The following CYP1A1 variants were observed in gnomAD, a reference collection of about 807,000 sequenced individuals.
CYP1A1 encodes the protein cytochrome P450 1A1.
CYP1A1 carries 43 observed loss-of-function variants against 33.6 expected under a neutral mutation model. The ratio of observed to expected loss-of-function variants is 1.28; its 90% CI spans 1.00 to 1.65. The LOEUF (loss-of-function observed/expected upper bound fraction) is 1.65. Among genes scored for constraint, CYP1A1 ranks in the 40% most tolerant of loss-of-function variants. The pLI is 0.00. For missense variants in CYP1A1, 637 were observed against 653.7 expected (o/e 0.97, Z 0.28); for synonymous variants, 280 against 257.8 (o/e 1.09, Z -0.83).
Position 74,721,464 on chromosome 15 carries a change from A to T in CYP1A1, c.992T>A (p.Met331Lys), listed in dbSNP as rs1393401095. ...TVTTAISWSLMYLVMNPRVQR... is the reference protein window; with the variant it reads ...TVTTAISWSLKYLVMNPRVQR... ...TACCCTGGGGTTCATCACCAAATACATGAGGCTCCAGGAGATAGCAGTTGT... is the reference window on the plus strand; with the variant it reads ...TACCCTGGGGTTCATCACCAAATACTTGAGGCTCCAGGAGATAGCAGTTGT... Residue 331 changes from methionine to lysine, a missense_variant, in exon 4 of 7, where the codon ATG becomes AAG. Transcript: ENST00000379727. 1 of 1,614,068 alleles carries T rather than the reference A, an allele frequency of 6.2e-7. No homozygotes were observed. Among genetic ancestry groups the T allele is most frequent in the Non-Finnish European group, 8.5e-7 (1 of 1,180,028 alleles).
At chr15:74,720,809 C>T (rs751448122) in intron 6 of CYP1A1, 35 bp from the exon 7 acceptor site, 3 of 1,589,916 alleles carry the variant, frequency 1.9e-6, no homozygotes, top group Non-Finnish European at 2.6e-6. Flanking sequence ...AGTGGCAGTT[C>T]AGGGCTCAGA....
rs2063164941 is a variant in CYP1A1 at position 74,721,020 on chromosome 15, G to A, written c.1200C>T (p.Tyr400=). The change falls in exon 6 of 7, where the codon TAC becomes TAT. Residue 400 remains tyrosine (Y), a synonymous_variant. Coordinates refer to ENST00000379727, the MANE Select transcript of CYP1A1 (RefSeq NM_001319217.2). The part of the protein sequence containing the change: ...TTRDTSLKGF[Y]IPKGRCVFVN... ...CAAAGACACAACGCCCCTTGGGGATGTAAAAGCCTTTCAAACTTGTGTCTC... is the reference window on the plus strand; with the variant it reads ...CAAAGACACAACGCCCCTTGGGGATATAAAAGCCTTTCAAACTTGTGTCTC... 6.2e-7 allele frequency: 1 copy of A among 1,614,190 alleles called. No homozygotes were observed. The highest frequency in any genetic ancestry group is 1.3e-5 in the African/African-American group (1 of 75,046).
At chr15:74,721,392 T>G (rs758076579) in intron 4 of CYP1A1, 22 bp downstream of exon 4, 1 of 1,614,062 alleles carries the variant, frequency 6.2e-7, no homozygotes, top group South Asian at 1.1e-5. Flanking sequence ...CACTGACCCC[T>G]TTGAAGGGAG....
At chr15:74,724,161 A>T (rs926883111) in intron 1 of CYP1A1, among the ~76,000 whole-genome samples, 1 of 152,060 alleles carries the variant, frequency 6.6e-6, no homozygotes, top group Non-Finnish European at 1.5e-5. Flanking sequence ...CCCCTTTTGC[A>T]GGTTACCAGA....
chr15:74,720,133 C>T lies in CYP1A1; in HGVS notation c.*356G>A. 5.1e-6 allele frequency: 1 copy of T among 194,352 alleles called. No homozygotes were observed. Among genetic ancestry groups the T allele is most frequent in the East Asian group, 1.3e-4 (1 of 7,900 alleles). 12.0% of individuals were successfully genotyped at this position (194,352 alleles called of 1,614,324 possible). ...TTGCTGAAGCCAGTCAGCACCCTCA[C>T]AGAGCCAGCTAGGTACTGGGCCCAG... On this transcript the variant is annotated 3_prime_UTR_variant, in exon 7 of 7. Transcript: ENST00000379727.
chr15:74,720,957 C>T lies in CYP1A1; in HGVS notation c.1253+10G>A. The T allele has an allele frequency of 6.2e-7, 1 of 1,613,962 alleles. No individual in the cohort carries two copies. Among genetic ancestry groups the T allele is most frequent in the Non-Finnish European group, 8.5e-7 (1 of 1,179,828 alleles). Reference sequence around the variant, plus strand: ...TGGACCCAGCCTTTCCTCTGCATCTCTGAACTTACTGGTCATGGTTGATCT... The same window carrying T: ...TGGACCCAGCCTTTCCTCTGCATCTTTGAACTTACTGGTCATGGTTGATCT... On this transcript the variant is annotated intron_variant, in intron 6 of 6. Coordinates refer to ENST00000379727, the MANE Select transcript of CYP1A1 (RefSeq NM_001319217.2).
chr15:74,720,635 A>G lies in CYP1A1; in HGVS notation c.1393T>C (p.Trp465Arg), dbSNP rs2063160252. 2.5e-6 allele frequency: 4 copies of G among 1,614,190 alleles called. No homozygotes were observed. The highest frequency in any genetic ancestry group is 1.1e-5 in the South Asian group (1 of 91,088). Reference sequence around the variant, plus strand: ...ATAGCCAGGAAGAGAAAGACCTCCCAGCGGGCAATGGTCTCACCGATACAC... The same window carrying G: ...ATAGCCAGGAAGAGAAAGACCTCCCGGCGGGCAATGGTCTCACCGATACAC... ...RKCIGETIAR[W>R]EVFLFLAILL... is the part of the protein sequence containing the mutation. Residue 465 changes from tryptophan (W) to arginine (R), a missense_variant, in exon 7 of 7, where the codon TGG becomes CGG. By Grantham distance (101) the Trp-to-Arg change is moderately radical (BLOSUM62 -3). Transcript: ENST00000379727.
chr15:74,722,930 T>C lies in CYP1A1; in HGVS notation c.168A>G (p.Gly56=), dbSNP rs969437424. Residue 56 remains glycine (G), a synonymous_variant, in exon 2 of 7, where the codon GGA becomes GGG. Transcript: ENST00000379727. The stretch of plus-strand genomic sequence containing the variant: ...TTGACAGTGCCAGGTGCGGGTTCTT[T>C]CCCAGGGTCAGCATGTGCCCAATCA... ...WPLIGHMLTL[G]KNPHLALSRM... 1.9e-6 allele frequency: 3 copies of C among 1,614,140 alleles called. No homozygotes were observed. Among genetic ancestry groups the C allele is most frequent in the Non-Finnish European group, 2.5e-6 (3 of 1,180,022 alleles).
Position 74,721,317 on chromosome 15 carries a change from CTG to C in CYP1A1, c.1046_1047del (p.Thr349SerfsTer12), listed in dbSNP as rs756248191. 6.2e-7 allele frequency: 1 copy of C among 1,613,790 alleles called. No individual in the cohort carries two copies. The highest frequency in any genetic ancestry group is 1.1e-5 in the South Asian group (1 of 91,044). On this transcript the variant is annotated frameshift_variant, in exon 5 of 7. Transcript: ENST00000379727. LOFTEE classifies it high-confidence loss of function. ...CGGGGCCGCCGTGACCTGCCAATCACTGTGTCTGCAGAACACAGGGACAAGAT... is the reference window on the plus strand; with the variant it reads ...CGGGGCCGCCGTGACCTGCCAATCACTGTCTGCAGAACACAGGGACAAGAT... ...VQRKIQEELDTVIGRSRRPRL... is the reference protein window; with the variant it reads ...VQRKIQEELDXVIGRSRRPRL...
In CYP1A1 at chr15:74,720,714, A is replaced by G; in HGVS notation, c.1314T>C (p.Ala438=). 3 of 1,614,166 alleles carry G rather than the reference A, an allele frequency of 1.9e-6. 1 individual carries two copies. In the South Asian group the frequency reaches 3.3e-5, roughly 18 times the overall value. ...LPERFLTPDG[A]IDKVLSEKVI... ...CCTTCTCACTTAACACCTTGTCGATAGCACCATCAGGGGTGAGAAACCGTT... is the reference window on the plus strand; with the variant it reads ...CCTTCTCACTTAACACCTTGTCGATGGCACCATCAGGGGTGAGAAACCGTT... The change falls in exon 7 of 7, where the codon GCT becomes GCC. Residue 438 remains alanine (A), a synonymous_variant. Coordinates refer to ENST00000379727, the MANE Select transcript of CYP1A1 (RefSeq NM_001319217.2).
At chr15:74,723,523 CTG>C (rs1180470955) in intron 1 of CYP1A1, among the ~76,000 whole-genome samples, 7 of 152,172 alleles carry the variant, frequency 4.6e-5, no homozygotes, top group East Asian at 3.8e-4. Flanking sequence ...AGTACCAGTA[CTG>C]TTATTTACTT....
chr15:74,721,026 G>C lies in CYP1A1; in HGVS notation c.1194C>G (p.Gly398=), dbSNP rs1349977436. ...CACAACGCCCCTTGGGGATGTAAAA[G>C]CCTTTCAAACTTGTGTCTCTTGTTG... is the stretch of plus-strand genomic sequence containing the variant. ...HSTTRDTSLK[G]FYIPKGRCVF... is the part of the protein sequence containing the mutation. The change falls in exon 6 of 7, where the codon GGC becomes GGG. Residue 398 remains glycine, a synonymous_variant. Transcript: ENST00000379727. 1.9e-6 allele frequency: 3 copies of C among 1,614,204 alleles called. No homozygotes were observed. Among genetic ancestry groups the C allele is most frequent in the Non-Finnish European group, 8.5e-7 (1 of 1,180,030 alleles).
rs1264808568 is a variant in CYP1A1, at chr15:74,721,620, A to G, written c.923T>C (p.Ile308Thr). Residue 308 changes from isoleucine to threonine, a missense_variant, in exon 3 of 7, where the codon ATT becomes ACT. Ile to Thr is a moderately conservative substitution (Grantham distance 89). Transcript: ENST00000379727. ...ANVQLSDEKIINIVLDLFGAG... is the reference protein window; with the variant it reads ...ANVQLSDEKITNIVLDLFGAG... ...TCCAAAGAGGTCCAAGACGATGTTA[A>G]TGATCTTCTCATCTGACAGCTGGAC... The G allele has an allele frequency of 6.2e-7, 1 of 1,614,016 alleles. No individual in the cohort carries two copies. Among genetic ancestry groups the G allele is most frequent in the Middle Eastern group, 1.7e-4 (1 of 6,060 alleles).
chr15:74,721,034 A>C lies in CYP1A1; in HGVS notation c.1186T>G (p.Leu396Val), dbSNP rs755427562. The change falls in exon 6 of 7, where the codon TTG becomes GTG. Residue 396 changes from leucine (L) to valine (V), a missense_variant. Leu to Val is a conservative substitution (Grantham distance 32, BLOSUM62 1). Coordinates refer to ENST00000379727, the MANE Select transcript of CYP1A1 (RefSeq NM_001319217.2). ...CCCTTGGGGATGTAAAAGCCTTTCA[A>C]ACTTGTGTCTCTTGTTGTGCTAGGG... ...IPHSTTRDTS[L>V]KGFYIPKGRC... 150 of 1,614,090 alleles carry C rather than the reference A, an allele frequency of 9.3e-5. 1 individual carries two copies. In the South Asian group the frequency reaches 1.6e-3, roughly 17 times the overall value.
At position 74,722,818 on chromosome 15, in the gene CYP1A1, G is replaced by A. The variant is rs758238061; in HGVS notation, c.280C>T (p.Gln94Ter). Residue 94 changes from glutamine to a stop codon, truncating the protein, a stop_gained, in exon 2 of 7, where the codon CAG (glutamine) becomes TAG (stop). Coordinates refer to ENST00000379727, the MANE Select transcript of CYP1A1 (RefSeq NM_001319217.2). LOFTEE classifies it high-confidence loss of function. ...VVLSGLDTIR[Q>*]ALVRQGDDFK... ...TCATCGCCCTGCCGCACCAGGGCCT[G>A]CCGGATGGTGTCCAGGCCGCTCAGC... 3.1e-6 allele frequency: 5 copies of A among 1,613,926 alleles called. No individual in the cohort carries two copies. In the Admixed American group the frequency reaches 6.7e-5, roughly 22 times the overall value.
Position 74,720,565 on chromosome 15 carries a change from A to G in CYP1A1, c.1463T>C (p.Val488Ala). Residue 488 changes from valine (V) to alanine (A), a missense_variant, in exon 7 of 7, where the codon GTG becomes GCG. By Grantham distance (64) the Val-to-Ala change is moderately conservative. Transcript: ENST00000379727. ...TAGCCCATAGATGGGGGTCATGTCC[A>G]CCTTCACGCCCAGTGGCACGCTGAA... Reference protein sequence around the residue: ...VEFSVPLGVKVDMTPIYGLTM... With the variant: ...VEFSVPLGVKADMTPIYGLTM... 1.2e-6 allele frequency: 2 copies of G among 1,612,718 alleles called. No homozygotes were observed. The highest frequency in any genetic ancestry group is 1.7e-6 in the Non-Finnish European group (2 of 1,179,358).
rs754678764 is a variant in CYP1A1, at chr15:74,722,765, G to A, written c.333C>T (p.Thr111=). 9 of 1,613,744 alleles carry A rather than the reference G, an allele frequency of 5.6e-6. No individual in the cohort carries two copies. In the East Asian group the frequency reaches 2.0e-4, roughly 36 times the overall value. Residue 111 remains threonine (T), a synonymous_variant, in exon 2 of 7, where the codon ACC becomes ACT. Coordinates refer to ENST00000379727, the MANE Select transcript of CYP1A1 (RefSeq NM_001319217.2). ...DDFKGRPDLY[T]FTLISNGQSM... ...TCTGACCATTACTGATGAGGGTGAA[G>A]GTGTAGAGGTCGGGCCGGCCCTTGA...
intron 5 of CYP1A1, 51 bp downstream of exon 5, chr15:74,721,148 T>C: frequency 2.5e-6 from 4 of 1,608,092 alleles, no homozygotes; most frequent in Non-Finnish European, 3.4e-6. Flanking sequence ...ATCAGGTATG[T>C]GGTCCGGAGT....
chr15:74,721,698 G>GTGATGTCCCGGA lies in CYP1A1; in HGVS notation c.833_844dup (p.Ile278_Ile281dup). 6.2e-7 allele frequency: 1 copy of GTGATGTCCCGGA among 1,614,084 alleles called. No individual in the cohort carries two copies. ...CTGACAGTGCTCAATCAGGCTGTCT[G>GTGATGTCCCGGA]TGATGTCCCGGATGTGGCCCTTAGG... is the stretch of plus-strand genomic sequence containing the variant. On this transcript the variant is annotated inframe_insertion, in exon 3 of 7. Coordinates refer to ENST00000379727, the MANE Select transcript of CYP1A1 (RefSeq NM_001319217.2).
Sources: gnomAD v4.1 joint callset for allele counts (sites outside exome capture counted in the v4.1 genomes callset) on GRCh38, gnomAD v4.1.1 for gene constraint, MANE v1.5 for transcripts, NCBI Gene and HGNC (gene_info 2026-07-23, HGNC 2026-07-21) for gene names.